TTI1: variants seen among roughly 807,000 people sequenced by gnomAD.
TTI1 encodes TELO2 interacting protein 1, also known as TELO2-interacting protein 1 homolog.
TTI1 carries 52 observed loss-of-function variants against 85.4 expected under a neutral mutation model. The observed-to-expected ratio is 0.61, with a 90% CI of 0.49 to 0.77. TTI1 has a LOEUF of 0.77. Among genes scored for constraint, TTI1 ranks in the 30% least tolerant of loss-of-function variants. The pLI, the probability that TTI1 is intolerant of heterozygous loss-of-function variation, is 0.00. For synonymous variants in TTI1, 512 were observed against 503.9 expected (o/e 1.02, Z -0.22); for missense variants, 1,173 against 1,296.0 (o/e 0.91, Z 1.46).
intron 2 of TTI1, among the ~76,000 whole-genome samples, chr20:38,007,761 AG>A (rs1821501849): frequency 6.6e-6 from 1 of 152,238 alleles, no homozygotes; most frequent in African/African-American, 2.4e-5. Flanking sequence ...GGGAGATGAC[AG>A]GGCCAGGCAA....
intron 2 of TTI1, among the ~76,000 whole-genome samples, chr20:38,006,783 T>A (rs1159528811): frequency 6.6e-6 from 1 of 152,236 alleles, no homozygotes; most frequent in Non-Finnish European, 1.5e-5. Context: ...TCTCTTCATA[T>A]CAGCTCATCA....
rs749896192 is a variant in TTI1, at chr20:37,983,383, C to T, written c.*73G>A. 8.7e-6 allele frequency: 13 copies of T among 1,497,160 alleles called. 1 individual carries two copies. The highest frequency in any genetic ancestry group is 2.5e-5 in the South Asian group (2 of 80,658). 92.7% of individuals were successfully genotyped at this position (1,497,160 alleles called of 1,614,324 possible). ...TGCTGCCGCTGCCACCGCCTATGGC[C>T]GGGGTGGGGTCAGCCCAGCTTCTGG... On this transcript the variant is annotated 3_prime_UTR_variant, in exon 8 of 8. Coordinates refer to ENST00000373447, the MANE Select transcript of TTI1 (RefSeq NM_001303457.2).
intron 7 of TTI1, among the ~76,000 whole-genome samples, chr20:37,995,555 G>A (rs1174581146): frequency 1.3e-5 from 2 of 152,218 alleles, no homozygotes; most frequent in East Asian, 1.9e-4. Flanking sequence ...CCCAGCTTTC[G>A]CCCCAGCAGC....
At chr20:38,003,307 T>G (rs2073451731) in intron 3 of TTI1, among the ~76,000 whole-genome samples, 1 of 152,134 alleles carries the variant, frequency 6.6e-6, no homozygotes, top group Non-Finnish European at 1.5e-5. Flanking sequence ...AAAATAATAT[T>G]GTCTTAAAAA....
At chr20:38,003,348 C>A (rs1008766680) in intron 3 of TTI1, among the ~76,000 whole-genome samples, 2 of 152,156 alleles carry the variant, frequency 1.3e-5, no homozygotes, top group Admixed American at 1.3e-4. Flanking sequence ...ATTGCATATG[C>A]AGCATGAACA....
At chr20:38,015,447 C>T (rs1175026369) in intron 1 of TTI1, among the ~76,000 whole-genome samples, 1 of 152,148 alleles carries the variant, frequency 6.6e-6, no homozygotes, top group Non-Finnish European at 1.5e-5. Flanking sequence ...TGTGCACTGG[C>T]TCATACACTG....
intron 5 of TTI1, among the ~76,000 whole-genome samples, chr20:37,998,530 A>G (rs1233376687): frequency 2.0e-5 from 3 of 152,210 alleles, no homozygotes; most frequent in Admixed American, 6.5e-5. Context: ...ACAAGAAAGG[A>G]TATAAATAAG....
chr20:37,989,765 G>A (rs2073238257), intron 7 of TTI1, among the ~76,000 whole-genome samples: 1 of 152,238 alleles, frequency 6.6e-6, no homozygotes, highest in Non-Finnish European at 1.5e-5. Flanking sequence ...AGCAGCCTAG[G>A]TAGGCTTGCC....
chr20:37,987,368 C>T (rs1293827234), intron 7 of TTI1: 1 of 456,710 alleles, frequency 2.2e-6, no homozygotes, highest in East Asian at 6.9e-5. Context: ...GAAAATGTTC[C>T]CAATACATTT....
At chr20:38,018,923 G>A (rs2073722541) in intron 1 of TTI1, 1 of 152,076 alleles carries the variant, frequency 6.6e-6, no homozygotes. Flanking sequence ...GCTGCGGTGG[G>A]TGGATCACTT....
At chr20:38,021,053 AT>A (rs1304686187) in intron 1 of TTI1, among the ~76,000 whole-genome samples, 1 of 152,200 alleles carries the variant, frequency 6.6e-6, no homozygotes, top group East Asian at 1.9e-4. Flanking sequence ...ATATTCTGGA[AT>A]TTACTATACA....
rs775394577 is a variant in TTI1, at chr20:38,013,728, A to C, written c.89T>G (p.Val30Gly). ...TTGTAGTCGTGTCTGCAGATGCTCC[A>C]CATTCTCCACTGTCTGGGTCTTTGT... is the stretch of plus-strand genomic sequence containing the variant. ...QLTKTQTVEN[V>G]EHLQTRLQAV... is the part of the protein sequence containing the mutation. The change falls in exon 2 of 8, where the codon GTG becomes GGG. Residue 30 changes from valine (V) to glycine (G), a missense_variant. Physicochemically the swap from Val to Gly is moderately radical, Grantham distance 109. Transcript: ENST00000373447. 2 of 1,614,174 alleles carry C rather than the reference A, an allele frequency of 1.2e-6. No homozygotes were observed. The highest frequency in any genetic ancestry group is 4.5e-5 in the East Asian group (2 of 44,884).
chr20:38,011,825 G>C lies in TTI1; in HGVS notation c.1992C>G (p.Thr664=). 3 of 1,614,160 alleles carry C rather than the reference G, an allele frequency of 1.9e-6. No homozygotes were observed. Among genetic ancestry groups the C allele is most frequent in the Non-Finnish European group, 2.5e-6 (3 of 1,180,036 alleles). ...YPVLEKAGDQ[T]LLISQVATST... is the part of the protein sequence containing the mutation. Reference sequence around the variant, plus strand: ...TGGTAGCCACCTGACTAATGAGTAGGGTTTGGTCTCCAGCCTTCTCCAGTA... The same window carrying C: ...TGGTAGCCACCTGACTAATGAGTAGCGTTTGGTCTCCAGCCTTCTCCAGTA... The change falls in exon 2 of 8, where the codon ACC becomes ACG. Residue 664 remains threonine (T), a synonymous_variant. Coordinates refer to ENST00000373447, the MANE Select transcript of TTI1 (RefSeq NM_001303457.2).
intron 2 of TTI1, among the ~76,000 whole-genome samples, chr20:38,008,624 T>C (rs1201383130): frequency 6.6e-6 from 1 of 152,226 alleles, no homozygotes; most frequent in African/African-American, 2.4e-5. Context: ...TCACTGCATG[T>C]GACACACTAT....
rs568404866 is a variant in TTI1 at position 37,997,287 on chromosome 20, A to G, written c.2794-334T>C. Among the ~76,000 whole-genome samples, 4 of 152,082 alleles carry G rather than the reference A, an allele frequency of 2.6e-5. No homozygotes were observed. In the South Asian group the frequency reaches 8.3e-4, roughly 32 times the overall value. ...AAAAGAGAAGAGCTTAAAGCAGTTC[A>G]CATAGATCATTTCTTGAATCTTCCT... is the stretch of plus-strand genomic sequence containing the variant. On this transcript the variant is annotated intron_variant, in intron 5 of 7. Coordinates refer to ENST00000373447, the MANE Select transcript of TTI1 (RefSeq NM_001303457.2).
At chr20:37,993,498 A>G (rs1411198435) in intron 7 of TTI1, among the ~76,000 whole-genome samples, 1 of 152,202 alleles carries the variant, frequency 6.6e-6, no homozygotes, top group African/African-American at 2.4e-5. Flanking sequence ...ATGCACATAA[A>G]GATGAACTCT....
At chr20:37,999,427 T>C (rs1345857677) in intron 4 of TTI1, 99 bp from the exon 5 acceptor site, 12 of 1,251,054 alleles carry the variant, frequency 9.6e-6, no homozygotes, top group Non-Finnish European at 1.1e-5. Flanking sequence ...AACGTATTAA[T>C]TGGATAATTG....
chr20:38,030,942 T>C (rs1259856611), intron 1 of TTI1, among the ~76,000 whole-genome samples: 1 of 152,238 alleles, frequency 6.6e-6, no homozygotes, highest in Non-Finnish European at 1.5e-5. Context: ...AGCGCTATTC[T>C]TATAGTTGCT....
chr20:37,983,306 G>A lies in TTI1; in HGVS notation c.*150C>T. 1 of 721,060 alleles carries A rather than the reference G, an allele frequency of 1.4e-6. No homozygotes were observed. The highest frequency in any genetic ancestry group is 3.1e-5 in the Admixed American group (1 of 32,536). 44.7% of individuals were successfully genotyped at this position (721,060 alleles called of 1,614,324 possible). On this transcript the variant is annotated 3_prime_UTR_variant, in exon 8 of 8. Coordinates refer to ENST00000373447, the MANE Select transcript of TTI1 (RefSeq NM_001303457.2). ...CTTTCCTTCAATCCATTTCTAAGCA[G>A]TTGTGTGATCGATCAATTTATAAAT... is the stretch of plus-strand genomic sequence containing the variant.
Sources: gnomAD v4.1 joint callset for allele counts (sites outside exome capture counted in the v4.1 genomes callset) on GRCh38, gnomAD v4.1.1 for gene constraint, MANE v1.5 for transcripts, NCBI Gene and HGNC (gene_info 2026-07-23, HGNC 2026-07-21) for gene names.